Variants in PIK3R1 observed in about 807,000 individuals in gnomAD.
PIK3R1 encodes phosphoinositide-3-kinase regulatory subunit 1, also known as phosphatidylinositol 3-kinase regulatory subunit alpha.
A neutral mutation model predicts 98.0 loss-of-function variants in PIK3R1; 29 were observed. The ratio of observed to expected loss-of-function variants is 0.30; its 90% CI spans 0.22 to 0.40. The LOEUF (loss-of-function observed/expected upper bound fraction) is 0.40, where lower values mean the gene tolerates loss of function less well. Ranked by LOEUF, PIK3R1 falls within the 10% of genes least tolerant of loss-of-function variation. The probability of loss-of-function intolerance (pLI) is 1.00; values close to 1 mark genes in which losing one functional copy is unlikely to be tolerated. For synonymous variants in PIK3R1, 282 were observed against 311.8 expected (o/e 0.90, Z 1.01); for missense variants, 596 against 872.7 (o/e 0.68, Z 3.99).
At chr5:68,281,949 A>G (rs932531296) in intron 7 of PIK3R1, among the ~76,000 whole-genome samples, 2 of 152,156 alleles carry the variant, frequency 1.3e-5, no homozygotes, top group Admixed American at 6.5e-5. Context: ...AGCCTAAGAG[A>G]GGCCAGGGCC....
intron 2 of PIK3R1, among the ~76,000 whole-genome samples, chr5:68,231,007 G>T (rs147956245): frequency 6.6e-6 from 1 of 152,070 alleles, no homozygotes; most frequent in African/African-American, 2.4e-5. Flanking sequence ...ATCCCATCCC[G>T]CTACACCAAC....
intron 2 of PIK3R1, among the ~76,000 whole-genome samples, chr5:68,236,408 C>G (rs902364607): frequency 6.6e-6 from 1 of 150,982 alleles, no homozygotes; most frequent in Admixed American, 6.6e-5. Context: ...TGCCACCACG[C>G]CCGTCTAATT....
intron 2 of PIK3R1, among the ~76,000 whole-genome samples, chr5:68,250,311 G>A (rs1165149403): frequency 6.6e-6 from 1 of 152,220 alleles, no homozygotes; most frequent in Non-Finnish European, 1.5e-5. Context: ...GAAGGCAGTG[G>A]AAACCCATGC....
In PIK3R1 at chr5:68,299,432, A is replaced by C. The variant is rs1426343992; in HGVS notation, c.*1831A>C. ...TTCTAATCATTGTATGTGCTTCACTACGGGGGGGAGAAGGAAACGTTAGCA... is the reference window on the plus strand; with the variant it reads ...TTCTAATCATTGTATGTGCTTCACTCCGGGGGGGAGAAGGAAACGTTAGCA... On this transcript the variant is annotated 3_prime_UTR_variant, in exon 16 of 16. Transcript: ENST00000521381. 1 of 232,956 alleles carries C rather than the reference A, an allele frequency of 4.3e-6. No homozygotes were observed. Among genetic ancestry groups the C allele is most frequent in the Admixed American group, 5.6e-5 (1 of 17,754 alleles). The allele number at this position is 232,956 out of a possible 1,614,324, so 14.4% of individuals were successfully genotyped here.
chr5:68,273,900 G>A, intron 3 of PIK3R1, 39 bp from the exon 4 acceptor site: 1 of 1,519,214 alleles, frequency 6.6e-7, no homozygotes, highest in South Asian at 1.1e-5. Context: ...AGAGAGCTGT[G>A]TTTTGCATAC....
In PIK3R1 at chr5:68,280,580, G is replaced by T. The variant is rs34175949; in HGVS notation, c.687G>T (p.Ser229=). The T allele has an allele frequency of 6.2e-7, 1 of 1,612,254 alleles. No individual in the cohort carries two copies. The highest frequency in any genetic ancestry group is 8.5e-7 in the Non-Finnish European group (1 of 1,179,050). The change falls in exon 6 of 16, where the codon TCG becomes TCT. Residue 229 remains serine, a synonymous_variant. Coordinates refer to ENST00000521381, the MANE Select transcript of PIK3R1 (RefSeq NM_181523.3). ...AGCTATTGAAGAAGCTTATTAGGTC[G>T]CCTAGCATACCTCATCAGTATTGGC... The part of the protein sequence containing the change: ...YIQLLKKLIR[S]PSIPHQYWLT...
chr5:68,241,747 T>G (rs1301514900), intron 2 of PIK3R1, among the ~76,000 whole-genome samples: 1 of 152,258 alleles, frequency 6.6e-6, no homozygotes, highest in Non-Finnish European at 1.5e-5. Flanking sequence ...AGCACCACAC[T>G]GTACCACCCT....
chr5:68,296,053 C>G, intron 14 of PIK3R1, 118 bp from the exon 15 acceptor site: 1 of 954,356 alleles, frequency 1.0e-6, no homozygotes, highest in Non-Finnish European at 1.6e-6. Flanking sequence ...GATGGCCAGT[C>G]TGACTGGCTT....
intron 7 of PIK3R1, chr5:68,288,618 C>T: frequency 6.3e-7 from 1 of 1,575,198 alleles, no homozygotes; most frequent in Non-Finnish European, 8.6e-7. Flanking sequence ...CGAGCACTGC[C>T]TGCCGGGAAC....
intron 2 of PIK3R1, among the ~76,000 whole-genome samples, chr5:68,238,591 G>A (rs1037603231): frequency 6.6e-6 from 1 of 152,100 alleles, no homozygotes; most frequent in African/African-American, 2.4e-5. Flanking sequence ...AAATGTAATA[G>A]CATATTAAAA....
chr5:68,263,249 ATATATT>A (rs1745982323), intron 2 of PIK3R1, among the ~76,000 whole-genome samples: 1 of 147,054 alleles, frequency 6.8e-6, no homozygotes, highest in Admixed American at 6.8e-5. Flanking sequence ...AGAAATATAT[ATATATT>A]CTACATTTTA....
chr5:68,226,174 G>A (rs1292578999), intron 1 of PIK3R1, 116 bp from the exon 2 acceptor site: 1 of 351,468 alleles, frequency 2.8e-6, no homozygotes, highest in East Asian at 4.2e-5. Context: ...TAGCACACTG[G>A]CCTGTGTCTG....
chr5:68,226,763 T>C lies in PIK3R1; in HGVS notation c.88T>C (p.Leu30=), dbSNP rs2111963982. ...TATTGACTTGCACTTGGGTGACATA[T>C]TGACTGTGAATAAAGGGTCCTTAGT... ...EDIDLHLGDI[L]TVNKGSLVAL... The change falls in exon 2 of 16, where the codon TTG becomes CTG. Residue 30 remains leucine, a synonymous_variant. Transcript: ENST00000521381. 1 of 1,614,118 alleles carries C rather than the reference T, an allele frequency of 6.2e-7. No individual in the cohort carries two copies. The highest frequency in any genetic ancestry group is 8.5e-7 in the Non-Finnish European group (1 of 1,180,002).
chr5:68,294,772 T>G (rs1580264484), intron 12 of PIK3R1, 94 bp downstream of exon 12: 15 of 689,152 alleles, frequency 2.2e-5, no homozygotes, highest in East Asian at 1.6e-4. Flanking sequence ...AATGATCACG[T>G]GGACACAGGA....
chr5:68,257,498 A>G (rs1031592326), intron 2 of PIK3R1, among the ~76,000 whole-genome samples: 3 of 152,236 alleles, frequency 2.0e-5, no homozygotes, highest in Admixed American at 2.0e-4. Flanking sequence ...TATTTGTGAC[A>G]GCCAGTTGGG....
At chr5:68,281,121 T>A (rs1265180402) in intron 7 of PIK3R1, 115 bp downstream of exon 7, 3 of 660,784 alleles carry the variant, frequency 4.5e-6, no homozygotes, top group Admixed American at 2.9e-5. Flanking sequence ...TTACAGTTGG[T>A]AGTAATATGT....
intron 2 of PIK3R1, among the ~76,000 whole-genome samples, chr5:68,236,902 A>C (rs1744689037): frequency 6.6e-6 from 1 of 152,262 alleles, no homozygotes. Context: ...GGATAAGGCC[A>C]TGAAGCTAAG....
rs190216674 is a variant in PIK3R1, at chr5:68,272,960, G to A, written c.335-430G>A. Among the ~76,000 whole-genome samples the A allele has an allele frequency of 2.0e-5, 3 of 152,272 alleles. No individual in the cohort carries two copies. In the East Asian group the frequency reaches 5.8e-4, roughly 29 times the overall value. On this transcript the variant is annotated intron_variant, in intron 2 of 15. Coordinates refer to ENST00000521381, the MANE Select transcript of PIK3R1 (RefSeq NM_181523.3). Reference sequence around the variant, plus strand: ...AGTTATTTCTTCCTAATGACCAGGAGGAGAGATCTGAATTCAGGTTCTTGG... The same window carrying A: ...AGTTATTTCTTCCTAATGACCAGGAAGAGAGATCTGAATTCAGGTTCTTGG...
At chr5:68,227,770 T>C (rs1744334698) in intron 2 of PIK3R1, among the ~76,000 whole-genome samples, 1 of 152,174 alleles carries the variant, frequency 6.6e-6, no homozygotes, top group Admixed American at 6.5e-5. Flanking sequence ...ACTTCCTTTG[T>C]GGGTAGTGTC....
Sources: allele counts gnomAD v4.1 joint callset (sites outside exome capture counted in the v4.1 genomes callset), GRCh38; gene constraint gnomAD v4.1.1; transcripts MANE v1.5; gene names NCBI Gene and HGNC (gene_info 2026-07-23, HGNC 2026-07-21).